The following MECR variants were observed in gnomAD, a reference collection of about 807,000 sequenced individuals.
MECR encodes the protein mitochondrial trans-2-enoyl-CoA reductase.
Under a neutral mutation model 49.1 loss-of-function variants are expected in MECR, and 37 were observed. The observed-to-expected ratio is 0.75, with a 90% CI of 0.58 to 0.99. MECR has a LOEUF of 0.99. Among genes scored for constraint, MECR ranks in the 50% least tolerant of loss-of-function variants. The pLI, the probability that MECR is intolerant of heterozygous loss-of-function variation, is 0.00. For synonymous variants in MECR, 198 were observed against 191.1 expected, an observed-to-expected ratio of 1.04 and a Z score of -0.30; for missense variants, 470 against 479.6, an observed-to-expected ratio of 0.98 and a Z score of 0.19.
At chr1:29,214,022 T>C (rs1286674348) in intron 3 of MECR, among the ~76,000 whole-genome samples, 1 of 152,094 alleles carries the variant, frequency 6.6e-6, no homozygotes, top group East Asian at 1.9e-4. Flanking sequence ...ACCCGAAGCT[T>C]TCACTCTGTT....
In MECR at chr1:29,201,094, C is replaced by T. The variant is rs1257790667; in HGVS notation, c.757-505G>A. On this transcript the variant is annotated intron_variant, in intron 6 of 9. Coordinates refer to ENST00000263702, the MANE Select transcript of MECR (RefSeq NM_016011.5). The surrounding 1 kb of genome is among the most constrained non-coding windows in gnomAD (Gnocchi z 4.3). ...TACAGGCATGAGTCACCTCATCCAG[C>T]CAAGAAGGGCCTTTTCTGTAGCAAC... 6.6e-6 allele frequency among the ~76,000 whole-genome samples: 1 copy of T among 152,222 alleles called. No homozygotes were observed. The highest frequency in any genetic ancestry group is 1.9e-4 in the East Asian group (1 of 5,202).
intron 5 of MECR, 71 bp from the exon 6 acceptor site, chr1:29,202,116 GC>G: frequency 7.7e-7 from 1 of 1,305,938 alleles, no homozygotes; most frequent in Non-Finnish European, 1.1e-6. Flanking sequence ...GGACCTCTCT[GC>G]CACAGCTGGG....
At chr1:29,210,327 T>C (rs545876241) in intron 3 of MECR, among the ~76,000 whole-genome samples, 94 of 152,158 alleles carry the variant, frequency 6.2e-4, no homozygotes, top group Non-Finnish European at 1.0e-3. Flanking sequence ...ACACTTTTTA[T>C]AGAAGGCTGT....
the MECR span, among the ~76,000 whole-genome samples, chr1:29,180,861 T>C: frequency 3.9e-5 from 6 of 152,190 alleles, no homozygotes; most frequent in East Asian, 5.8e-4. Context: ...GGCAGTAAGT[T>C]AACAATTTCG....
the MECR span, among the ~76,000 whole-genome samples, chr1:29,182,763 C>G: frequency 2.6e-5 from 4 of 152,218 alleles, no homozygotes; most frequent in African/African-American, 9.6e-5. Flanking sequence ...AGGCAGGTCT[C>G]AAACTCCAGA....
At chr1:29,220,083 GA>G (rs1680392115) in intron 1 of MECR, among the ~76,000 whole-genome samples, 1 of 152,086 alleles carries the variant, frequency 6.6e-6, no homozygotes, top group Non-Finnish European at 1.5e-5. Context: ...TCACTAGTGA[GA>G]AAATGTGGCA....
At chr1:29,223,073 T>C in intron 1 of MECR, 1 of 984,498 alleles carries the variant, frequency 1.0e-6, no homozygotes, top group Non-Finnish European at 1.2e-6. Context: ...AAACAGTGGC[T>C]ATGTTTTGGA....
At chr1:29,181,214 G>A in the MECR span, among the ~76,000 whole-genome samples, 5 of 152,346 alleles carry the variant, frequency 3.3e-5, no homozygotes. Flanking sequence ...TGATCCATGA[G>A]ACCGGGCAAG....
chr1:29,224,953 C>T (rs963484683), intron 1 of MECR: 8 of 152,198 alleles, frequency 5.3e-5, no homozygotes, highest in Non-Finnish European at 1.2e-4. Flanking sequence ...GGAGTGGCTC[C>T]GAGGGGCAGC....
chr1:29,168,682 A>C, the MECR span: 1 of 152,200 alleles, frequency 6.6e-6, no homozygotes, highest in Non-Finnish European at 1.5e-5. Flanking sequence ...TGCAATCCCC[A>C]TTCTGGAGGT....
At position 29,230,910 on chromosome 1, in the gene MECR, C is replaced by G. The variant is rs762426223; in HGVS notation, c.-4G>C. 5.6e-6 allele frequency: 9 copies of G among 1,596,882 alleles called. No individual in the cohort carries two copies. The African/African-American group carries it at 1.1e-4, about 19-fold the overall frequency. ...ACAGGGTACTGCAGACCCACATGCT[C>G]GCTCCAACCAACACAGAGCCTGACG... On this transcript the variant is annotated 5_prime_UTR_variant, in exon 1 of 10. Coordinates refer to ENST00000263702, the MANE Select transcript of MECR (RefSeq NM_016011.5).
Position 29,216,531 on chromosome 1 carries a change from T to C in MECR, c.274+57A>G, listed in dbSNP as rs908315951. ...ACCCACACCTGAGGAGGAATGAAAA[T>C]GAGGTGGCAGCTGAACAAAAAAGCC... On this transcript the variant is annotated intron_variant, in intron 2 of 9. Coordinates refer to ENST00000263702, the MANE Select transcript of MECR (RefSeq NM_016011.5). The C allele has an allele frequency of 5.3e-5, 81 of 1,528,126 alleles. No homozygotes were observed. In the Admixed American group the frequency reaches 1.3e-3, roughly 25 times the overall value. 94.7% of individuals were successfully genotyped at this position (1,528,126 alleles called of 1,614,324 possible). A position where few individuals can be genotyped will look rare whatever the true frequency, so the allele number is the denominator to read the frequency against.
chr1:29,201,536 G>A lies in MECR; in HGVS notation c.756+407C>T, dbSNP rs961989219. On this transcript the variant is annotated intron_variant, in intron 6 of 9. Coordinates refer to ENST00000263702, the MANE Select transcript of MECR (RefSeq NM_016011.5). The surrounding 1 kb of genome is among the most constrained non-coding windows in gnomAD (Gnocchi z 4.3). ...TTCCTAATCTGTAAAACAGATAACAGTTCCTTTGAAAAGCTTTTGTGGAAA... is the reference window on the plus strand; with the variant it reads ...TTCCTAATCTGTAAAACAGATAACAATTCCTTTGAAAAGCTTTTGTGGAAA... 8.7e-6 allele frequency: 4 copies of A among 459,796 alleles called. No homozygotes were observed. The highest frequency in any genetic ancestry group is 1.6e-5 in the South Asian group (1 of 61,238). The allele number at this position is 459,796 out of a possible 1,614,324, so 28.5% of individuals were successfully genotyped here. A position where few individuals can be genotyped will look rare whatever the true frequency, so the allele number is the denominator to read the frequency against.
At position 29,205,270 on chromosome 1, in the gene MECR, C is replaced by T. The variant is rs540118879; in HGVS notation, c.550+1492G>A. Reference sequence around the variant, plus strand: ...TGCAATCTTGGCTCACTGCAACTTCCGCCTCCCGGGTTCAAGCGATTCTCC... The same window carrying T: ...TGCAATCTTGGCTCACTGCAACTTCTGCCTCCCGGGTTCAAGCGATTCTCC... On this transcript the variant is annotated intron_variant, in intron 4 of 9. Coordinates refer to ENST00000263702, the MANE Select transcript of MECR (RefSeq NM_016011.5). Among the ~76,000 whole-genome samples, 21 of 152,104 alleles carry T rather than the reference C, an allele frequency of 1.4e-4. No homozygotes were observed. In the East Asian group the frequency reaches 2.0e-3, roughly 14 times the overall value.
At chr1:29,197,199 C>T (rs1461749930) in intron 7 of MECR, among the ~76,000 whole-genome samples, 1 of 152,178 alleles carries the variant, frequency 6.6e-6, no homozygotes. Context: ...ACATGCTCTC[C>T]CCAGATGAGC....
chr1:29,191,033 T>G (rs1336728119), downstream of MECR, among the ~76,000 whole-genome samples: 1 of 152,178 alleles, frequency 6.6e-6, no homozygotes, highest in Non-Finnish European at 1.5e-5. Context: ...ATCTGCTCTC[T>G]TCGTCTGTAA....
At chr1:29,181,989 A>G in the MECR span, 1 of 362,716 alleles carries the variant, frequency 2.8e-6, no homozygotes, top group Non-Finnish European at 4.9e-6. Context: ...CCGCTCGGCC[A>G]GGACTGGGGG....
At chr1:29,188,464 A>G (rs1673069082), downstream of MECR, among the ~76,000 whole-genome samples, 1 of 152,038 alleles carries the variant, frequency 6.6e-6, no homozygotes, top group African/African-American at 2.4e-5. Context: ...TTGGCCTCCC[A>G]AAGTGTTAGG....
chr1:29,210,660 G>A (rs1677775488), intron 3 of MECR, among the ~76,000 whole-genome samples: 1 of 152,150 alleles, frequency 6.6e-6, no homozygotes, highest in African/African-American at 2.4e-5. Flanking sequence ...GAGGGAGGCA[G>A]CACCCGTGGT....
Sources: gnomAD v4.1 joint callset for allele counts (sites outside exome capture counted in the v4.1 genomes callset) on GRCh38, gnomAD v4.1.1 for gene constraint, Gnocchi (gnomAD v3.1) non-coding constraint, MANE v1.5 for transcripts, NCBI Gene and HGNC (gene_info 2026-07-23, HGNC 2026-07-21) for gene names.